CCDC7: variants seen among roughly 807,000 people sequenced by gnomAD.
CCDC7 encodes coiled-coil domain containing 7.
A neutral mutation model predicts 196.9 loss-of-function variants in CCDC7; 183 were observed. That is an observed-to-expected ratio of 0.93 (90% CI 0.82 to 1.05). The LOEUF (loss-of-function observed/expected upper bound fraction) is 1.05, where lower values mean the gene tolerates loss of function less well. Among genes scored for constraint, CCDC7 ranks in the 50% least tolerant of loss-of-function variants. CCDC7 has a pLI of 0.00. For missense variants in CCDC7, 1,540 were observed against 1,482.2 expected, an observed-to-expected ratio of 1.04 and a Z score of -0.64; for synonymous variants, 525 against 484.6, an observed-to-expected ratio of 1.08 and a Z score of -1.10.
chr10:32,791,234 A>C (rs2082651790), intron 29 of CCDC7, among the ~76,000 whole-genome samples: 1 of 151,688 alleles, frequency 6.6e-6, no homozygotes, highest in Non-Finnish European at 1.5e-5. Context: ...GTCCATCTGC[A>C]AGTGAGTCTT....
At chr10:32,636,375 C>T (rs867675347) in intron 20 of CCDC7, among the ~76,000 whole-genome samples, 1 of 152,130 alleles carries the variant, frequency 6.6e-6, no homozygotes, top group Non-Finnish European at 1.5e-5. Flanking sequence ...GCTATCCCTC[C>T]CCCTACCCCC....
intron 27 of CCDC7, 68 bp from the exon 29 acceptor site, chr10:32,729,264 G>C (rs2083560389): frequency 7.2e-7 from 1 of 1,397,776 alleles, no homozygotes; most frequent in Admixed American, 2.4e-5. Context: ...TACTTCCATG[G>C]GTTGAAATTC....
intron 8 of CCDC7, among the ~76,000 whole-genome samples, chr10:32,479,284 T>C (rs772905178): frequency 2.0e-5 from 3 of 152,264 alleles, no homozygotes; most frequent in African/African-American, 4.8e-5. Context: ...AATGGGCATC[T>C]TTATCTTGTT....
chr10:32,453,049 A>G (rs1014277988), intron 1 of CCDC7, among the ~76,000 whole-genome samples: 1 of 152,146 alleles, frequency 6.6e-6, no homozygotes, highest in African/African-American at 2.4e-5. Context: ...ACTCTACTTA[A>G]TGCTTCAACC....
At chr10:32,517,806 G>T in intron 9 of CCDC7, 139 bp from the exon 11 acceptor site, 1 of 707,502 alleles carries the variant, frequency 1.4e-6, no homozygotes, top group Non-Finnish European at 2.1e-6. Context: ...AAGAAAAAGT[G>T]GGATGCAAGG....
intron 29 of CCDC7, among the ~76,000 whole-genome samples, chr10:32,801,195 C>T (rs954573478): frequency 5.9e-5 from 9 of 152,292 alleles, no homozygotes; most frequent in Non-Finnish European, 1.0e-4. Flanking sequence ...ATCTATTTCT[C>T]GAAGTATTGG....
intron 25 of CCDC7, among the ~76,000 whole-genome samples, chr10:32,717,332 A>T (rs1331145969): frequency 6.6e-6 from 1 of 152,248 alleles, no homozygotes; most frequent in Non-Finnish European, 1.5e-5. Context: ...TTTGAAACCA[A>T]TGAGAACAAA....
intron 41 of CCDC7, among the ~76,000 whole-genome samples, chr10:32,868,971 T>G (rs535141207): frequency 6.6e-6 from 1 of 152,104 alleles, no homozygotes; most frequent in Non-Finnish European, 1.5e-5. Context: ...TCTATCATTG[T>G]TGGACATTTG....
At chr10:32,559,217 C>T (rs572914896) in intron 13 of CCDC7, among the ~76,000 whole-genome samples, 3 of 152,188 alleles carry the variant, frequency 2.0e-5, no homozygotes, top group Non-Finnish European at 4.4e-5. Context: ...GCCTGCCTGC[C>T]TCTGTAGGCT....
chr10:32,500,153 G>T (rs926430844), intron 9 of CCDC7, among the ~76,000 whole-genome samples: 3 of 150,686 alleles, frequency 2.0e-5, no homozygotes, highest in Non-Finnish European at 4.4e-5. Flanking sequence ...GGGCAGAGGG[G>T]CTCCCCACTT....
intron 29 of CCDC7, among the ~76,000 whole-genome samples, chr10:32,781,413 A>C (rs1292153842): frequency 6.6e-6 from 1 of 152,208 alleles, no homozygotes; most frequent in African/African-American, 2.4e-5. Context: ...ACAAAATATT[A>C]GTAAATAAAA....
At chr10:32,837,444 T>C (rs2092691329) in intron 33 of CCDC7, among the ~76,000 whole-genome samples, 1 of 152,130 alleles carries the variant, frequency 6.6e-6, no homozygotes. Flanking sequence ...GGAGAGGATG[T>C]GGAGAAATAG....
At chr10:32,532,165 T>A (rs2049779385) in intron 11 of CCDC7, among the ~76,000 whole-genome samples, 1 of 152,110 alleles carries the variant, frequency 6.6e-6, no homozygotes, top group African/African-American at 2.4e-5. Flanking sequence ...TCCTTAACAT[T>A]GGCGTTTATT....
At chr10:32,451,219 T>C (rs1300169186), upstream of CCDC7, among the ~76,000 whole-genome samples, 1 of 152,180 alleles carries the variant, frequency 6.6e-6, no homozygotes, top group African/African-American at 2.4e-5. Flanking sequence ...AATTTAACAC[T>C]TACTAGCTGT....
At chr10:32,804,034 T>C (rs2085330287) in intron 29 of CCDC7, among the ~76,000 whole-genome samples, 1 of 152,184 alleles carries the variant, frequency 6.6e-6, no homozygotes, top group Non-Finnish European at 1.5e-5. Context: ...ATTTTAACAT[T>C]TATTCATGAA....
chr10:32,477,553 T>G (rs73251532), intron 8 of CCDC7, among the ~76,000 whole-genome samples: 7,879 of 108,044 alleles, frequency 0.073, 663 homozygotes, highest in African/African-American at 0.2. Flanking sequence ...AGAGTCATTG[T>G]TTTTTTTTTT....
chr10:32,816,566 C>A (rs1324238549), intron 31 of CCDC7, among the ~76,000 whole-genome samples: 1 of 152,176 alleles, frequency 6.6e-6, no homozygotes, highest in East Asian at 1.9e-4. Flanking sequence ...CCTCGAGTAG[C>A]CTAACTGGGA....
At chr10:32,593,440 G>C (rs1336352053) in intron 18 of CCDC7, among the ~76,000 whole-genome samples, 1 of 152,078 alleles carries the variant, frequency 6.6e-6, no homozygotes, top group Admixed American at 6.6e-5. Flanking sequence ...TGTAGATTCT[G>C]GATATTAGCC....
chr10:32,614,404 C>T (rs1397840308), intron 18 of CCDC7, among the ~76,000 whole-genome samples: 1 of 151,970 alleles, frequency 6.6e-6, no homozygotes, highest in Admixed American at 6.6e-5. Context: ...TCTAACTTGC[C>T]AGTCTGTGTC....
Sources: gnomAD v4.1 joint callset for allele counts (sites outside exome capture counted in the v4.1 genomes callset) on GRCh38, gnomAD v4.1.1 for gene constraint, MANE v1.5 for transcripts, NCBI Gene and HGNC (gene_info 2026-07-23, HGNC 2026-07-21) for gene names.